The following INPP4B variants were observed in gnomAD, a reference collection of about 807,000 sequenced individuals.
INPP4B encodes the protein inositol polyphosphate-4-phosphatase type II B.
In INPP4B, 55 loss-of-function variants were observed where a neutral mutation model predicts 122.5. The ratio of observed to expected loss-of-function variants is 0.45; its 90% CI spans 0.36 to 0.56. INPP4B has a LOEUF of 0.56. Among genes scored for constraint, INPP4B ranks in the 20% least tolerant of loss-of-function variants. INPP4B has a pLI of 0.00. For synonymous variants in INPP4B, 403 were observed against 388.7 expected, an observed-to-expected ratio of 1.04 and a Z score of -0.43; for missense variants, 1,000 against 1,097.7, an observed-to-expected ratio of 0.91 and a Z score of 1.26.
intron 14 of INPP4B, among the ~76,000 whole-genome samples, chr4:142,206,047 G>A (rs531290105): frequency 6.6e-6 from 1 of 152,088 alleles, no homozygotes; most frequent in East Asian, 1.9e-4. Flanking sequence ...AGATCAAGGC[G>A]CTGGTATCTG....
chr4:142,529,299 C>T (rs543652776), intron 2 of INPP4B, among the ~76,000 whole-genome samples: 3 of 152,078 alleles, frequency 2.0e-5, no homozygotes, highest in Middle Eastern at 3.4e-3. Context: ...GGATAATATC[C>T]ATGATTATCA....
At chr4:142,206,698 T>A (rs987297044) in intron 14 of INPP4B, among the ~76,000 whole-genome samples, 1 of 152,086 alleles carries the variant, frequency 6.6e-6, no homozygotes, top group Non-Finnish European at 1.5e-5. Context: ...AAATATATAC[T>A]CTTTAAACCA....
chr4:142,228,943 A>G (rs1037560995), intron 12 of INPP4B, among the ~76,000 whole-genome samples: 1 of 151,640 alleles, frequency 6.6e-6, no homozygotes, highest in Non-Finnish European at 1.5e-5. Flanking sequence ...TTAAAAAGTA[A>G]TAAGAGTTTA....
intron 25 of INPP4B, among the ~76,000 whole-genome samples, chr4:142,060,565 A>T (rs1760092363): frequency 6.6e-6 from 1 of 152,210 alleles, no homozygotes; most frequent in Non-Finnish European, 1.5e-5. Flanking sequence ...TCAGAGTAAG[A>T]GGGCCTGGTT....
intron 1 of INPP4B, among the ~76,000 whole-genome samples, chr4:142,768,371 G>A (rs977148687): frequency 2.6e-5 from 4 of 152,164 alleles, no homozygotes; most frequent in Non-Finnish European, 4.4e-5. Flanking sequence ...CAAGATAAAC[G>A]TATATATTGG....
chr4:142,506,433 A>G (rs1232620530), intron 2 of INPP4B, among the ~76,000 whole-genome samples: 1 of 152,126 alleles, frequency 6.6e-6, no homozygotes, highest in African/African-American at 2.4e-5. Flanking sequence ...ATTAGCCTAG[A>G]AGAAAGAAGG....
chr4:142,798,612 A>G (rs1429400077), intron 1 of INPP4B, among the ~76,000 whole-genome samples: 1 of 151,838 alleles, frequency 6.6e-6, no homozygotes, highest in Non-Finnish European at 1.5e-5. Context: ...GTGTCATCAA[A>G]AGTGATGCAG....
chr4:142,785,121 G>A (rs912251517), intron 1 of INPP4B, among the ~76,000 whole-genome samples: 4 of 152,062 alleles, frequency 2.6e-5, no homozygotes, highest in African/African-American at 2.4e-5. Flanking sequence ...AGGGAAACTC[G>A]AAGACAACAG....
At chr4:142,749,299 C>G (rs976540254) in intron 1 of INPP4B, among the ~76,000 whole-genome samples, 1 of 145,776 alleles carries the variant, frequency 6.9e-6, no homozygotes, top group Non-Finnish European at 1.5e-5. Context: ...ATATATAAAA[C>G]ATATATATGT....
At chr4:142,297,121 T>A (rs1759085679) in intron 9 of INPP4B, among the ~76,000 whole-genome samples, 1 of 152,214 alleles carries the variant, frequency 6.6e-6, no homozygotes, top group Non-Finnish European at 1.5e-5. Flanking sequence ...AACCTTTTAT[T>A]GCTAAAGTTT....
intron 9 of INPP4B, among the ~76,000 whole-genome samples, chr4:142,277,695 A>ACACACG (rs985024451): frequency 1.3e-5 from 2 of 151,282 alleles, no homozygotes; most frequent in African/African-American, 4.9e-5. Context: ...ACACACACAC[A>ACACACG]CACACACACA....
chr4:142,080,620 A>G (rs1773412838), intron 25 of INPP4B, among the ~76,000 whole-genome samples: 1 of 152,142 alleles, frequency 6.6e-6, no homozygotes, highest in Non-Finnish European at 1.5e-5. Flanking sequence ...ATAGTATAAC[A>G]TGTCCAGTAA....
At chr4:142,234,730 A>G (rs1341168002) in intron 12 of INPP4B, among the ~76,000 whole-genome samples, 2 of 152,196 alleles carry the variant, frequency 1.3e-5, no homozygotes, top group Non-Finnish European at 2.9e-5. Flanking sequence ...TTTTTGTAGA[A>G]TTAAAATGTA....
At chr4:142,754,883 C>G (rs1184480384) in intron 1 of INPP4B, among the ~76,000 whole-genome samples, 3 of 151,990 alleles carry the variant, frequency 2.0e-5, no homozygotes, top group African/African-American at 7.2e-5. Flanking sequence ...GCAGGCCCAG[C>G]AATAGACTGA....
intron 25 of INPP4B, among the ~76,000 whole-genome samples, chr4:142,064,342 A>G (rs1052166672): frequency 2.6e-5 from 4 of 152,226 alleles, no homozygotes; most frequent in African/African-American, 9.6e-5. Flanking sequence ...AAACTCATCA[A>G]ATGCTTGTTG....
intron 14 of INPP4B, among the ~76,000 whole-genome samples, chr4:142,206,018 C>G (rs2149492719): frequency 6.6e-6 from 1 of 152,156 alleles, no homozygotes; most frequent in African/African-American, 2.4e-5. Flanking sequence ...TCTAACAGTT[C>G]CGGAGGCTAG....
At chr4:142,037,956 G>C (rs573906385) in intron 25 of INPP4B, among the ~76,000 whole-genome samples, 155 of 152,168 alleles carry the variant, frequency 1.0e-3, no homozygotes, top group African/African-American at 3.5e-3. Context: ...AAAATCTTAA[G>C]TTTCCATAGT....
Position 142,145,901 on chromosome 4 carries a change from G to T in INPP4B, c.1659C>A (p.Gly553=), listed in dbSNP as rs35390852. The part of the protein sequence containing the change: ...IERDGGSEGS[G]GNNDGEKEPS... ...GTTCCTTTTCTCCATCATTGTTGCC[G>T]CCACTGCCTTCACTGCCACCATCTC... The change falls in exon 18 of 26, where the codon GGC becomes GGA. Residue 553 remains glycine, a synonymous_variant. Transcript: ENST00000262992. The T allele has an allele frequency of 6.2e-7, 1 of 1,613,086 alleles. No individual in the cohort carries two copies. Among genetic ancestry groups the T allele is most frequent in the African/African-American group, 1.3e-5 (1 of 74,834 alleles).
At position 142,638,767 on chromosome 4, in the gene INPP4B, C is replaced by T. The variant is rs186454945; in HGVS notation, c.-191+87072G>A. ...TTCACCATGTTAGCCAGGATGGTCT[C>T]GATCTCCTGACCTCGTGATCCACCC... On this transcript the variant is annotated intron_variant, in intron 2 of 25. Transcript: ENST00000262992. Among the ~76,000 whole-genome samples, 672 of 152,090 alleles carry T rather than the reference C, an allele frequency of 4.4e-3. 2 individuals are homozygous for T. The highest frequency in any genetic ancestry group is 6.9e-3 in the Non-Finnish European group (471 of 67,988).
Sources: allele counts gnomAD v4.1 joint callset (sites outside exome capture counted in the v4.1 genomes callset), GRCh38; gene constraint gnomAD v4.1.1; transcripts MANE v1.5; gene names NCBI Gene and HGNC (gene_info 2026-07-23, HGNC 2026-07-21).